Variants in SLC35F4 observed in about 807,000 individuals in gnomAD.
SLC35F4 encodes the protein chromosome 14 open reading frame 36.
A neutral mutation model predicts 44.2 loss-of-function variants in SLC35F4; 24 were observed. The observed-to-expected ratio is 0.54, with a 90% CI of 0.39 to 0.76. SLC35F4 has a LOEUF of 0.76. Among genes scored for constraint, SLC35F4 ranks in the 30% least tolerant of loss-of-function variants. The probability of loss-of-function intolerance (pLI) is 0.00; values close to 1 mark genes in which losing one functional copy is unlikely to be tolerated. For synonymous variants in SLC35F4, 238 were observed against 223.6 expected (o/e 1.06, Z -0.57); for missense variants, 562 against 586.1 (o/e 0.96, Z 0.42).
rs1465714959 is a variant in SLC35F4, at chr14:57,865,738, A to C, written c.88T>G (p.Tyr30Asp). Reference protein sequence around the residue: ...ITGYYGYYPGYSSQKSTSRSS... With the variant: ...ITGYYGYYPGDSSQKSTSRSS... ...GGCGTCTTACTTTTCTGGCTGGAGT[A>C]ACCTGGATAATAGCCATAGTAGCCG... The change falls in exon 1 of 8, where the codon TAC becomes GAC. Residue 30 changes from tyrosine (Y) to aspartate (D), a missense_variant. By Grantham distance (160) the Tyr-to-Asp change is radical. Coordinates refer to ENST00000556826, the MANE Select transcript of SLC35F4 (RefSeq NM_001306087.2). 1 of 1,522,340 alleles carries C rather than the reference A, an allele frequency of 6.6e-7. No individual in the cohort carries two copies. Among genetic ancestry groups the C allele is most frequent in the South Asian group, 1.2e-5 (1 of 81,832 alleles). 94.3% of individuals were successfully genotyped at this position (1,522,340 alleles called of 1,614,324 possible). A position where few individuals can be genotyped will look rare whatever the true frequency, so the allele number is the denominator to read the frequency against.
At chr14:57,880,064 G>A (rs1358874784) in intron 1 of SLC35F4, among the ~76,000 whole-genome samples, 3 of 117,156 alleles carry the variant, frequency 2.6e-5, no homozygotes, top group African/African-American at 6.6e-5. Context: ...AAGGAAGGAA[G>A]GAAGGAAGGA....
intron 1 of SLC35F4, among the ~76,000 whole-genome samples, chr14:57,680,817 G>A (rs569680629): frequency 6.6e-6 from 1 of 152,220 alleles, no homozygotes; most frequent in Non-Finnish European, 1.5e-5. Context: ...TATAAGGGAT[G>A]TGAAGGACCT....
intron 3 of SLC35F4, among the ~76,000 whole-genome samples, chr14:57,585,692 C>G (rs1292990703): frequency 1.3e-5 from 2 of 151,958 alleles, no homozygotes; most frequent in Non-Finnish European, 2.9e-5. Flanking sequence ...TTCCTATACA[C>G]CAGTAATAGC....
At chr14:57,727,747 T>G (rs748806396) in intron 1 of SLC35F4, among the ~76,000 whole-genome samples, 2 of 152,230 alleles carry the variant, frequency 1.3e-5, no homozygotes, top group Non-Finnish European at 2.9e-5. Context: ...TCAGAGAAGA[T>G]GCTTGATACT....
chr14:57,818,038 G>GC (rs1205819854), intron 1 of SLC35F4, among the ~76,000 whole-genome samples: 1 of 152,092 alleles, frequency 6.6e-6, no homozygotes, highest in Non-Finnish European at 1.5e-5. Context: ...TTGACAGTAG[G>GC]CAATACTGCT....
chr14:57,865,533 G>A (rs1009927389), intron 1 of SLC35F4, among the ~76,000 whole-genome samples, 190 bp downstream of exon 1: 4 of 152,170 alleles, frequency 2.6e-5, no homozygotes, highest in Non-Finnish European at 5.9e-5. Flanking sequence ...GCCCTCTCAC[G>A]GTTCAGCACC....
intron 1 of SLC35F4, among the ~76,000 whole-genome samples, chr14:57,946,469 C>CTTTTTT (rs71104596): frequency 2.9e-3 from 225 of 78,196 alleles, no homozygotes; most frequent in Non-Finnish European, 3.8e-3. Context: ...GTTTTCTTTT[C>CTTTTTT]TTTTTTTTTT....
chr14:57,774,950 C>G (rs1351107433), intron 1 of SLC35F4, among the ~76,000 whole-genome samples: 1 of 151,732 alleles, frequency 6.6e-6, no homozygotes, highest in South Asian at 2.1e-4. Flanking sequence ...CTACCCCCCA[C>G]CACACCACCA....
intron 1 of SLC35F4, among the ~76,000 whole-genome samples, chr14:57,826,144 T>C (rs1023738401): frequency 2.0e-5 from 3 of 152,174 alleles, no homozygotes; most frequent in Non-Finnish European, 4.4e-5. Flanking sequence ...CAAAACAGCA[T>C]GGTACTGGTA....
rs570659279 is a variant in SLC35F4, at chr14:57,882,091, G to A, written n.282+99822C>T. Reference sequence around the variant, plus strand: ...ACCTGTAGCCCCTGCTGAGGAAATGGGAGTGGTACCCTCCCTCCCTCTCAT... The same window carrying A: ...ACCTGTAGCCCCTGCTGAGGAAATGAGAGTGGTACCCTCCCTCCCTCTCAT... On this transcript the variant is annotated intron_variant and non_coding_transcript_variant, in intron 1 of 1. Transcript: ENST00000556568. Among the ~76,000 whole-genome samples the A allele has an allele frequency of 7.2e-5, 11 of 152,218 alleles. No individual in the cohort carries two copies. In the East Asian group the frequency reaches 2.1e-3, roughly 29 times the overall value.
chr14:57,926,735 G>T lies in SLC35F4; in HGVS notation n.282+55178C>A, dbSNP rs200799161. Among the ~76,000 whole-genome samples, 283 of 141,184 alleles carry T rather than the reference G, an allele frequency of 2.0e-3. 5 individuals are homozygous for T. The highest frequency in any genetic ancestry group is 1.6e-3 in the Non-Finnish European group (107 of 65,104). 92.6% of individuals were successfully genotyped at this position (141,184 alleles called of 152,430 possible). A position where few individuals can be genotyped will look rare whatever the true frequency, so the allele number is the denominator to read the frequency against. On this transcript the variant is annotated intron_variant and non_coding_transcript_variant, in intron 1 of 1. Transcript: ENST00000556568. ...ACAATGAAGTAGGGTTGGGGGGGGGGGGTGGATATATATAGCCAAAGGCAC... is the reference window on the plus strand; with the variant it reads ...ACAATGAAGTAGGGTTGGGGGGGGGTGGTGGATATATATAGCCAAAGGCAC...
chr14:57,856,031 G>A (rs761431641), intron 1 of SLC35F4, among the ~76,000 whole-genome samples: 53 of 151,898 alleles, frequency 3.5e-4, no homozygotes, highest in African/African-American at 1.2e-3. Context: ...ACACACTGTC[G>A]GGGGTTGCTG....
rs1434309482 is a variant in SLC35F4, at chr14:57,589,507, T to C, written c.296A>G (p.Asp99Gly). Reference protein sequence around the residue: ...RVERQNRSADDGTQTHSENSS... With the variant: ...RVERQNRSADGGTQTHSENSS... ...GTTCTCAGAATGAGTCTGTGTCCCA[T>C]CGTCTGCTGGAAACAGGAAAGGAAT... Residue 99 changes from aspartate to glycine, a missense_variant, in exon 3 of 8, where the codon GAT becomes GGT. Coordinates refer to ENST00000556826, the MANE Select transcript of SLC35F4 (RefSeq NM_001306087.2). 1.9e-6 allele frequency: 3 copies of C among 1,603,494 alleles called. No individual in the cohort carries two copies.
At chr14:57,720,764 A>G (rs1046280662) in intron 1 of SLC35F4, among the ~76,000 whole-genome samples, 4 of 152,000 alleles carry the variant, frequency 2.6e-5, no homozygotes, top group African/African-American at 9.7e-5. Flanking sequence ...ATCAGCCGCC[A>G]GCATGGCTAG....
chr14:57,889,995 G>C (rs1344671807), intron 1 of SLC35F4, among the ~76,000 whole-genome samples: 2 of 152,142 alleles, frequency 1.3e-5, no homozygotes, highest in African/African-American at 4.8e-5. Context: ...TTGTATTACT[G>C]TTCAGCAAAT....
At chr14:57,807,453 T>G (rs951120468) in intron 1 of SLC35F4, among the ~76,000 whole-genome samples, 2 of 151,990 alleles carry the variant, frequency 1.3e-5, no homozygotes, top group Non-Finnish European at 1.5e-5. Context: ...CCCATCTTTA[T>G]GCTGTTTTAC....
At chr14:57,874,754 C>T (rs1284726766) in intron 1 of SLC35F4, among the ~76,000 whole-genome samples, 1 of 152,156 alleles carries the variant, frequency 6.6e-6, no homozygotes, top group African/African-American at 2.4e-5. Context: ...CAAATCAGAC[C>T]ATATGCTTCT....
intron 1 of SLC35F4, among the ~76,000 whole-genome samples, chr14:57,655,460 C>T (rs546849291): frequency 2.0e-5 from 3 of 152,164 alleles, no homozygotes; most frequent in Admixed American, 6.5e-5. Context: ...CTGTCCTCAG[C>T]GCTGTGGAGT....
At chr14:57,859,997 G>C (rs2141008442) in intron 1 of SLC35F4, among the ~76,000 whole-genome samples, 1 of 152,194 alleles carries the variant, frequency 6.6e-6, no homozygotes, top group East Asian at 1.9e-4. Flanking sequence ...TACAGGTGTG[G>C]GTTCAGAAAA....
Sources: gnomAD v4.1 joint callset for allele counts (sites outside exome capture counted in the v4.1 genomes callset) on GRCh38, gnomAD v4.1.1 for gene constraint, MANE v1.5 for transcripts, NCBI Gene and HGNC (gene_info 2026-07-23, HGNC 2026-07-21) for gene names.